ARHGEF10: variants seen among roughly 807,000 people sequenced by gnomAD.
The protein encoded by ARHGEF10 is Rho guanine nucleotide exchange factor (GEF) 10.
A neutral mutation model predicts 147.4 loss-of-function variants in ARHGEF10; 140 were observed. The observed-to-expected ratio is 0.95, with a 90% CI of 0.83 to 1.09. ARHGEF10 has a LOEUF of 1.09. Ranked by LOEUF, ARHGEF10 falls within the 50% of genes least tolerant of loss-of-function variation. The pLI is 0.00. For missense variants in ARHGEF10, 2,222 were observed against 1,752.7 expected, an observed-to-expected ratio of 1.27 and a Z score of -4.78; for synonymous variants, 902 against 695.8, an observed-to-expected ratio of 1.30 and a Z score of -4.67.
chr8:1,860,001 T>A lies in ARHGEF10; in HGVS notation c.298T>A (p.Phe100Ile). 6.2e-7 allele frequency: 1 copy of A among 1,614,142 alleles called. No homozygotes were observed. Among genetic ancestry groups the A allele is most frequent in the Non-Finnish European group, 8.5e-7 (1 of 1,180,010 alleles). Residue 100 changes from phenylalanine (F) to isoleucine (I), a missense_variant, in exon 4 of 29, where the codon TTC becomes ATC. Coordinates refer to ENST00000349830, the MANE Select transcript of ARHGEF10 (RefSeq NM_014629.4). ...NPYSVIDITP[F>I]QEDQPPTPVP... is the part of the protein sequence containing the mutation. ...ATATTCTGTCATCGACATCACGCCA[T>A]TCCAGGAGGACCAGCCGCCCACCCC...
At chr8:1,933,322 C>A (rs1247317555) in intron 25 of ARHGEF10, among the ~76,000 whole-genome samples, 1 of 152,142 alleles carries the variant, frequency 6.6e-6, no homozygotes, top group Non-Finnish European at 1.5e-5. Context: ...GATGCAGTTC[C>A]TTTTAATGAT....
At chr8:1,853,060 G>C (rs556067929) in intron 2 of ARHGEF10, among the ~76,000 whole-genome samples, 2 of 114,702 alleles carry the variant, frequency 1.7e-5, no homozygotes, top group East Asian at 3.9e-4. Context: ...GGGCGCTGGC[G>C]GGTGGTTAGA....
chr8:1,954,058 A>T (rs964041301), intron 28 of ARHGEF10, among the ~76,000 whole-genome samples: 1 of 151,870 alleles, frequency 6.6e-6, no homozygotes, highest in African/African-American at 2.4e-5. Context: ...CATGTTGAGG[A>T]CCCCAAATCC....
intron 14 of ARHGEF10, 52 bp downstream of exon 14, chr8:1,896,501 A>G (rs763919528): frequency 7.8e-7 from 1 of 1,276,112 alleles, no homozygotes; most frequent in South Asian, 1.2e-5. Context: ...ATAACAAGTT[A>G]CATGTCAAAG....
In ARHGEF10 at chr8:1,876,619, G is replaced by C. The variant is rs915718990; in HGVS notation, c.728G>C (p.Ser243Thr). The change falls in exon 8 of 29, where the codon AGC (serine) becomes ACC (threonine). Residue 243 changes from serine (S) to threonine (T), a missense_variant. Coordinates refer to ENST00000349830, the MANE Select transcript of ARHGEF10 (RefSeq NM_014629.4). ...GAGAATGGGGATGAAGGTGGAAACA[G>C]CTCCTTGGAATACGGATGGAGTTCG... ...DVENGDEGGN[S>T]SLEYGWSSSE... The C allele has an allele frequency of 6.8e-6, 11 of 1,614,112 alleles. No individual in the cohort carries two copies. Among genetic ancestry groups the C allele is most frequent in the South Asian group, 3.3e-5 (3 of 91,088 alleles).
chr8:1,833,824 C>T (rs62477479), intron 1 of ARHGEF10, among the ~76,000 whole-genome samples: 57,335 of 152,172 alleles, frequency 0.38, 11,366 homozygotes, highest in Non-Finnish European at 0.45. Flanking sequence ...TGCTGCTTCC[C>T]TGGGAGGGAG....
chr8:1,844,128 G>T (rs1347019357), intron 2 of ARHGEF10, among the ~76,000 whole-genome samples: 1 of 152,184 alleles, frequency 6.6e-6, no homozygotes, highest in Non-Finnish European at 1.5e-5. Context: ...GGTGTCCGTT[G>T]CAGGTCTGGG....
chr8:1,877,262 C>T (rs968714581), intron 8 of ARHGEF10, among the ~76,000 whole-genome samples: 14 of 152,152 alleles, frequency 9.2e-5, no homozygotes, highest in African/African-American at 2.7e-4. Flanking sequence ...GAGTCTCGTT[C>T]TGTCTCCCAG....
At chr8:1,918,130 G>A (rs1585531063) in intron 18 of ARHGEF10, among the ~76,000 whole-genome samples, 2 of 152,138 alleles carry the variant, frequency 1.3e-5, no homozygotes, top group African/African-American at 4.8e-5. Context: ...AAATCAACAT[G>A]AAACAGTTTT....
In ARHGEF10 at chr8:1,889,374, TA is replaced by T. The variant is rs1200544400; in HGVS notation, c.1182+3668del. Among the ~76,000 whole-genome samples, 6 of 93,068 alleles carry T rather than the reference TA, an allele frequency of 6.4e-5. 1 individual carries two copies. The East Asian group carries it at 1.1e-3, about 17-fold the overall frequency. The allele number at this position is 93,068 out of a possible 152,430, so 61.1% of individuals were successfully genotyped here. A position where few individuals can be genotyped will look rare whatever the true frequency, so the allele number is the denominator to read the frequency against. On this transcript the variant is annotated intron_variant, in intron 11 of 28. Coordinates refer to ENST00000349830, the MANE Select transcript of ARHGEF10 (RefSeq NM_014629.4). ...AGGAGACACTGAGTGGGGTGAGGGG[TA>T]TGTGAGGAGACAGTGATGTGAGGCA... is the stretch of plus-strand genomic sequence containing the variant.
chr8:1,911,677 T>C (rs1355792914), intron 18 of ARHGEF10, among the ~76,000 whole-genome samples: 1 of 152,160 alleles, frequency 6.6e-6, no homozygotes, highest in East Asian at 1.9e-4. Flanking sequence ...CTTGTTAGCA[T>C]TGATCTTGAG....
intron 18 of ARHGEF10, 62 bp downstream of exon 18, chr8:1,909,532 A>T (rs1243104471): frequency 1.2e-6 from 2 of 1,602,556 alleles, no homozygotes; most frequent in Non-Finnish European, 1.7e-6. Flanking sequence ...CGTTCATGCT[A>T]GCTGTGGGGC....
At chr8:1,849,325 C>G (rs946290282) in intron 2 of ARHGEF10, among the ~76,000 whole-genome samples, 1 of 149,108 alleles carries the variant, frequency 6.7e-6, no homozygotes, top group East Asian at 2.0e-4. Context: ...GGGGCAGCCA[C>G]GTGGACACAG....
intron 11 of ARHGEF10, among the ~76,000 whole-genome samples, chr8:1,886,632 G>A (rs902287713): frequency 5.9e-5 from 9 of 152,238 alleles, no homozygotes; most frequent in African/African-American, 2.2e-4. Context: ...TGTCAACAGA[G>A]CTTGGAGACA....
At chr8:1,839,491 C>CCGG (rs1803820705) in intron 1 of ARHGEF10, among the ~76,000 whole-genome samples, 2 of 142,578 alleles carry the variant, frequency 1.4e-5, no homozygotes, top group Non-Finnish European at 3.0e-5. Flanking sequence ...TGGAAACTGT[C>CCGG]TGGTGTGGGG....
chr8:1,827,837 CTG>C (rs928800522), intron 1 of ARHGEF10, among the ~76,000 whole-genome samples: 13 of 152,270 alleles, frequency 8.5e-5, no homozygotes, highest in African/African-American at 2.6e-4. Flanking sequence ...GGGGAAATAA[CTG>C]TGTAAAGTAA....
intron 10 of ARHGEF10, 80 bp downstream of exon 10, chr8:1,882,829 G>A (rs916344659): frequency 5.1e-6 from 5 of 974,498 alleles, no homozygotes; most frequent in South Asian, 2.7e-5. Context: ...GACTCGGGGT[G>A]GGGGGCGGCC....
chr8:1,928,102 G>A (rs1180226979), intron 23 of ARHGEF10, among the ~76,000 whole-genome samples: 1 of 152,116 alleles, frequency 6.6e-6, no homozygotes, highest in Non-Finnish European at 1.5e-5. Flanking sequence ...ATAATAATCT[G>A]CTTCTTAGGA....
intron 28 of ARHGEF10, among the ~76,000 whole-genome samples, chr8:1,955,181 ACT>A (rs1815412193): frequency 7.4e-6 from 1 of 134,668 alleles, no homozygotes; most frequent in Non-Finnish European, 1.6e-5. Flanking sequence ...AAGGAGGTGC[ACT>A]CTCACTGTTT....
Sources: allele counts gnomAD v4.1 joint callset (sites outside exome capture counted in the v4.1 genomes callset), GRCh38; gene constraint gnomAD v4.1.1; transcripts MANE v1.5; gene names NCBI Gene and HGNC (gene_info 2026-07-23, HGNC 2026-07-21).